The following CCDC171 variants were observed in gnomAD, a reference collection of about 807,000 sequenced individuals.
CCDC171 encodes the protein coiled-coil domain containing 171, also known as coiled-coil domain-containing protein 171.
CCDC171 carries 177 observed loss-of-function variants against 168.2 expected under a neutral mutation model. That is an observed-to-expected ratio of 1.05 (90% CI 0.93 to 1.19). The LOEUF is 1.19. CCDC171 is among the 50% of genes most tolerant of loss of function. The pLI is 0.00. For missense variants in CCDC171, 1,991 were observed against 1,539.0 expected, an observed-to-expected ratio of 1.29 and a Z score of -4.91; for synonymous variants, 687 against 540.8, an observed-to-expected ratio of 1.27 and a Z score of -3.75.
intron 6 of CCDC171, among the ~76,000 whole-genome samples, chr9:15,610,444 TAAAAAAAAAAAAAAA>T (rs754593075): frequency 0.016 from 200 of 12,722 alleles, 4 homozygotes; most frequent in African/African-American, 0.045. Flanking sequence ...CCATCTCAAC[TAAAAAAAAAAAAAAA>T]AAAAAAAAAA....
intron 24 of CCDC171, among the ~76,000 whole-genome samples, chr9:15,889,948 T>C (rs1202970501): frequency 6.6e-6 from 1 of 152,200 alleles, no homozygotes; most frequent in African/African-American, 2.4e-5. Context: ...GAAATGGCTT[T>C]GTTTCAAAGT....
chr9:15,917,882 T>C (rs1484168111), intron 24 of CCDC171, among the ~76,000 whole-genome samples: 1 of 151,734 alleles, frequency 6.6e-6, no homozygotes, highest in African/African-American at 2.4e-5. Context: ...ACATTTTAGG[T>C]CCTTAGACAA....
At chr9:15,661,888 C>T (rs866989697) in intron 8 of CCDC171, among the ~76,000 whole-genome samples, 32 of 152,156 alleles carry the variant, frequency 2.1e-4, no homozygotes, top group African/African-American at 7.7e-4. Flanking sequence ...TGGATTTAGA[C>T]AAAATAACAA....
At chr9:15,636,386 A>G (rs1447039144) in intron 7 of CCDC171, among the ~76,000 whole-genome samples, 1 of 152,178 alleles carries the variant, frequency 6.6e-6, no homozygotes, top group Non-Finnish European at 1.5e-5. Context: ...TTTTAGGCCA[A>G]TAAATTCAGG....
chr9:15,846,766 A>C lies in CCDC171; in HGVS notation c.3332A>C (p.His1111Pro). 2 of 1,612,942 alleles carry C rather than the reference A, an allele frequency of 1.2e-6. No individual in the cohort carries two copies. The highest frequency in any genetic ancestry group is 1.7e-5 in the Admixed American group (1 of 59,826). Residue 1111 changes from histidine to proline, a missense_variant, in exon 22 of 26, where the codon CAT becomes CCT. By Grantham distance (77) the His-to-Pro change is moderately conservative. Coordinates refer to ENST00000380701, the MANE Select transcript of CCDC171 (RefSeq NM_173550.4). ...KDQSLRQLNR[H>P]LTQLEQDKRR... ...CAATCTCTGCGTCAGCTCAATAGACATCTTACCCAGCTGGAGCAGGACAAG... is the reference window on the plus strand; with the variant it reads ...CAATCTCTGCGTCAGCTCAATAGACCTCTTACCCAGCTGGAGCAGGACAAG...
intron 7 of CCDC171, among the ~76,000 whole-genome samples, chr9:15,624,516 A>G (rs186629395): frequency 4.6e-5 from 7 of 152,008 alleles, no homozygotes; most frequent in South Asian, 2.1e-4. Context: ...CCTGTGTCCA[A>G]GTGTTCTCAT....
chr9:15,889,815 C>T (rs1819949678), intron 24 of CCDC171, among the ~76,000 whole-genome samples: 1 of 152,126 alleles, frequency 6.6e-6, no homozygotes, highest in Non-Finnish European at 1.5e-5. Flanking sequence ...CTGGAGAAGC[C>T]AGACTCTGCT....
intron 1 of CCDC171, among the ~76,000 whole-genome samples, chr9:16,056,229 A>C (rs7042155): frequency 0.47 from 71,768 of 151,974 alleles, 17,153 homozygotes; most frequent in East Asian, 0.61. Context: ...ACATTTTTGT[A>C]ATGAGTATAT....
Position 15,575,157 on chromosome 9 carries a change from C to CT in CCDC171, c.177+3424dup, listed in dbSNP as rs57272096. ...AGGGTAAAGGAGAGTGACATAACTACTTTTTTTTTTTTTTTTTTTTTTTTT... is the reference window on the plus strand; with the variant it reads ...AGGGTAAAGGAGAGTGACATAACTACTTTTTTTTTTTTTTTTTTTTTTTTTT... On this transcript the variant is annotated intron_variant, in intron 3 of 25. Transcript: ENST00000380701. Among the ~76,000 whole-genome samples, 321 of 86,896 alleles carry CT rather than the reference C, an allele frequency of 3.7e-3. 8 individuals carry two copies. The highest frequency in any genetic ancestry group is 0.012 in the East Asian group (23 of 1,978). The allele number at this position is 86,896 out of a possible 152,430, so 57.0% of individuals were successfully genotyped here.
At chr9:15,690,823 A>C (rs749861227) in intron 10 of CCDC171, among the ~76,000 whole-genome samples, 1 of 152,216 alleles carries the variant, frequency 6.6e-6, no homozygotes, top group Non-Finnish European at 1.5e-5. Flanking sequence ...ATATAATATA[A>C]AAATGGGCAC....
chr9:15,730,571 C>G (rs939639559), intron 16 of CCDC171, among the ~76,000 whole-genome samples: 10 of 151,582 alleles, frequency 6.6e-5, no homozygotes, highest in African/African-American at 1.9e-4. Context: ...GGTATTTAGC[C>G]TCTTTATTTG....
chr9:16,017,515 TAAG>T (rs1039039255), intron 3 of CCDC171, among the ~76,000 whole-genome samples: 7 of 152,254 alleles, frequency 4.6e-5, no homozygotes, highest in South Asian at 2.1e-4. Flanking sequence ...GCTAGAATTC[TAAG>T]AAGAAGGATT....
At chr9:15,625,338 A>G (rs898424644) in intron 7 of CCDC171, among the ~76,000 whole-genome samples, 1 of 152,152 alleles carries the variant, frequency 6.6e-6, no homozygotes, top group Non-Finnish European at 1.5e-5. Context: ...TCATTTGTCA[A>G]TTTTGGCTTT....
At chr9:15,612,100 C>T (rs1397074617) in intron 6 of CCDC171, among the ~76,000 whole-genome samples, 1 of 152,192 alleles carries the variant, frequency 6.6e-6, no homozygotes, top group African/African-American at 2.4e-5. Flanking sequence ...ACACCTTGAT[C>T]TTGTATTTCC....
intron 14 of CCDC171, among the ~76,000 whole-genome samples, chr9:15,727,472 TATTAA>T (rs1406028546): frequency 6.6e-6 from 1 of 152,212 alleles, no homozygotes; most frequent in African/African-American, 2.4e-5. Context: ...CAAATGTAAC[TATTAA>T]ATTATAGAAT....
chr9:15,724,668 C>CT, intron 13 of CCDC171, 108 bp from the exon 14 acceptor site: 1 of 668,602 alleles, frequency 1.5e-6, no homozygotes, highest in Non-Finnish European at 2.6e-6. Flanking sequence ...CTTTGTGATT[C>CT]TTTCATTTTA....
chr9:15,977,722 C>T (rs958438812), downstream of CCDC171, among the ~76,000 whole-genome samples: 3 of 152,052 alleles, frequency 2.0e-5, no homozygotes, highest in African/African-American at 7.2e-5. Flanking sequence ...TAGGAAACTA[C>T]GTAAAATAGG....
chr9:16,074,943 T>C, the CCDC171 span, among the ~76,000 whole-genome samples: 2 of 152,190 alleles, frequency 1.3e-5, no homozygotes, highest in African/African-American at 4.8e-5. Context: ...CTAAATCATT[T>C]GTGCTTTTGG....
At chr9:15,571,872 A>G (rs1378226541) in intron 3 of CCDC171, 113 bp downstream of exon 3, 1 of 903,820 alleles carries the variant, frequency 1.1e-6, no homozygotes, top group East Asian at 3.0e-5. Flanking sequence ...TCTTGGGCTT[A>G]AAAAGGAAAT....
Sources: allele counts gnomAD v4.1 joint callset (sites outside exome capture counted in the v4.1 genomes callset), GRCh38; gene constraint gnomAD v4.1.1; transcripts MANE v1.5; gene names NCBI Gene and HGNC (gene_info 2026-07-23, HGNC 2026-07-21).